The following GPR142 variants were observed in gnomAD, a reference collection of about 807,000 sequenced individuals.
GPR142 encodes G protein-coupled receptor 142.
A neutral mutation model predicts 10.6 loss-of-function variants in GPR142; 9 were observed. That is an observed-to-expected ratio of 0.85 (90% CI 0.51 to 1.48). GPR142 has a LOEUF of 1.48. GPR142 is among the 40% of genes most tolerant of loss of function. The pLI is 0.00. For missense variants in GPR142, 482 were observed against 506.0 expected, an observed-to-expected ratio of 0.95 and a Z score of 0.45; for synonymous variants, 202 against 221.2, an observed-to-expected ratio of 0.91 and a Z score of 0.77.
At chr17:74,369,859 C>A (rs1278965919) in intron 2 of GPR142, among the ~76,000 whole-genome samples, 1 of 152,180 alleles carries the variant, frequency 6.6e-6, no homozygotes. Flanking sequence ...GGTGCTTATC[C>A]TAGACCAGCC....
At position 74,369,597 on chromosome 17, in the gene GPR142, A is replaced by C. The variant is rs981453758; in HGVS notation, c.57A>C (p.Ser19=). The part of the protein sequence containing the change: ...PQKKPQVTQD[S]GPQSMGLEGR... ...AAAAGCCACAGGTGACCCAGGACTC[A>C]GGGCCCCAGAGCATGGGGCTTGAGG... Residue 19 remains serine (S), a synonymous_variant, in exon 2 of 4, where the codon TCA becomes TCC. Transcript: ENST00000582579. The C allele has an allele frequency of 1.9e-6, 3 of 1,551,184 alleles. No homozygotes were observed. The Admixed American group carries it at 5.9e-5, about 31-fold the overall frequency.
rs1322778933 is a variant in GPR142, at chr17:74,367,644, C to T, written c.-224C>T. 1 of 1,614,058 alleles carries T rather than the reference C, an allele frequency of 6.2e-7. No individual in the cohort carries two copies. Among genetic ancestry groups the T allele is most frequent in the South Asian group, 1.1e-5 (1 of 91,090 alleles). On this transcript the variant is annotated 5_prime_UTR_variant, in exon 1 of 4. Transcript: ENST00000582579. Reference sequence around the variant, plus strand: ...GGTGTCCCATGCACAGAAAAGCCAGCATTCTTGTCTCAGCCATTCCAGGTG... The same window carrying T: ...GGTGTCCCATGCACAGAAAAGCCAGTATTCTTGTCTCAGCCATTCCAGGTG...
At chr17:74,369,412 C>T in intron 1 of GPR142, 56 bp from the exon 2 acceptor site, 1 of 1,523,132 alleles carries the variant, frequency 6.6e-7, no homozygotes, top group Non-Finnish European at 8.9e-7. Context: ...TCCCCGGTGC[C>T]TCCGCCCACC....
Position 74,368,202 on chromosome 17 carries a change from C to T in GPR142, c.-74+408C>T, listed in dbSNP as rs73997705. 5.1e-3 allele frequency among the ~76,000 whole-genome samples: 774 copies of T among 151,918 alleles called. 4 individuals are homozygous for T. Among genetic ancestry groups the T allele is most frequent in the African/African-American group, 0.017 (724 of 41,408 alleles). ...AATGTTGGCAGGGACCCTCCTTGCC[C>T]CTCACCCATGGCAGCTCCTTGAAGA... On this transcript the variant is annotated intron_variant, in intron 1 of 3. Transcript: ENST00000582579.
rs200949295 is a variant in GPR142, at chr17:74,367,703, G to C, written c.-165G>C. 1 of 1,611,812 alleles carries C rather than the reference G, an allele frequency of 6.2e-7. No homozygotes were observed. Among genetic ancestry groups the C allele is most frequent in the East Asian group, 2.2e-5 (1 of 44,884 alleles). On this transcript the variant is annotated 5_prime_UTR_variant, in exon 1 of 4. Coordinates refer to ENST00000582579, the MANE Select transcript of GPR142 (RefSeq NM_001331076.1). ...CTCCACAGGTCACAGGGGGAAGCTGGGACCTCCGAATAAGGCCATCCAAGG... is the reference window on the plus strand; with the variant it reads ...CTCCACAGGTCACAGGGGGAAGCTGCGACCTCCGAATAAGGCCATCCAAGG...
chr17:74,369,454 C>A lies in GPR142; in HGVS notation c.-73-14C>A. On this transcript the variant is annotated splice_polypyrimidine_tract_variant and intron_variant, in intron 1 of 3. Coordinates refer to ENST00000582579, the MANE Select transcript of GPR142 (RefSeq NM_001331076.1). Reference sequence around the variant, plus strand: ...TTCCTCCTCCTTCCCCCGCCCCGCCCCCTGCACTAACAGGCTCAGTGTCTG... The same window carrying A: ...TTCCTCCTCCTTCCCCCGCCCCGCCACCTGCACTAACAGGCTCAGTGTCTG... 1 of 1,554,716 alleles carries A rather than the reference C, an allele frequency of 6.4e-7. No homozygotes were observed.
In GPR142 at chr17:74,371,998, C is replaced by T. The variant is rs1436687156; in HGVS notation, c.523C>T (p.Pro175Ser). 5.0e-6 allele frequency: 8 copies of T among 1,613,294 alleles called. No homozygotes were observed. Among genetic ancestry groups the T allele is most frequent in the Non-Finnish European group, 6.8e-6 (8 of 1,179,962 alleles). ...TVDRYTALCH[P>S]LHHRAASSPG... Reference sequence around the variant, plus strand: ...TGACCGCTACACTGCCCTGTGCCACCCCCTGCACCATCGGGCCGCCTCGTC... The same window carrying T: ...TGACCGCTACACTGCCCTGTGCCACTCCCTGCACCATCGGGCCGCCTCGTC... Residue 175 changes from proline (P) to serine (S), a missense_variant, in exon 4 of 4, where the codon CCC (proline) becomes TCC (serine). Coordinates refer to ENST00000582579, the MANE Select transcript of GPR142 (RefSeq NM_001331076.1).
In GPR142 at chr17:74,372,362, C is replaced by T. The variant is rs2055036246; in HGVS notation, c.887C>T (p.Ala296Val). Residue 296 changes from alanine (A) to valine (V), a missense_variant, in exon 4 of 4, where the codon GCC becomes GTC. Physicochemically the swap from Ala to Val is moderately conservative, Grantham distance 64. Coordinates refer to ENST00000582579, the MANE Select transcript of GPR142 (RefSeq NM_001331076.1). ...GTCATGCTCTACCACATGTACGTGGCCCCTGTCCACCGGGACTGGAGGGTC... is the reference window on the plus strand; with the variant it reads ...GTCATGCTCTACCACATGTACGTGGTCCCTGTCCACCGGGACTGGAGGGTC... The part of the protein sequence containing the change: ...VFVMLYHMYV[A>V]PVHRDWRVHL... 1 of 1,614,070 alleles carries T rather than the reference C, an allele frequency of 6.2e-7. No homozygotes were observed.
Position 74,370,652 on chromosome 17 carries a change from A to G in GPR142, c.226A>G (p.Ser76Gly), listed in dbSNP as rs2055017064. The change falls in exon 3 of 4, where the codon AGT (serine) becomes GGT (glycine). Residue 76 changes from serine to glycine, a missense_variant. Ser to Gly is a moderately conservative substitution (Grantham distance 56). Coordinates refer to ENST00000582579, the MANE Select transcript of GPR142 (RefSeq NM_001331076.1). The part of the protein sequence containing the change: ...VAGVIPVIYY[S>G]VLLGLGLPVS... ...TGGCGTCATCCCTGTCATCTACTAC[A>G]GTGTCCTGCTGGGCTTGGGGCTGCC... 1.3e-5 allele frequency: 21 copies of G among 1,613,770 alleles called. No individual in the cohort carries two copies. Among genetic ancestry groups the G allele is most frequent in the Non-Finnish European group, 1.8e-5 (21 of 1,179,838 alleles).
chr17:74,369,137 C>T (rs2055004049), intron 1 of GPR142, among the ~76,000 whole-genome samples: 1 of 152,254 alleles, frequency 6.6e-6, no homozygotes, highest in South Asian at 2.1e-4. Context: ...CCCCAAAGTC[C>T]TCAGCCCCAG....
chr17:74,368,481 G>T (rs540634617), intron 1 of GPR142, among the ~76,000 whole-genome samples: 8 of 152,278 alleles, frequency 5.3e-5, no homozygotes, highest in South Asian at 2.1e-4. Flanking sequence ...GTATCCGAGG[G>T]GGGGTTGGGA....
Position 74,370,503 on chromosome 17 carries a change from C to T in GPR142, c.95-18C>T. The stretch of plus-strand genomic sequence containing the variant: ...AAATAGACCAGAGGCTCTGACTCTG[C>T]CCATCCGCACCTTCTAGCTGGCCAG... On this transcript the variant is annotated intron_variant, in intron 2 of 3. Transcript: ENST00000582579. 6.3e-7 allele frequency: 1 copy of T among 1,596,332 alleles called. No individual in the cohort carries two copies.
chr17:74,371,693 G>A lies in GPR142; in HGVS notation c.254-36G>A, dbSNP rs1458406063. 3 of 1,566,870 alleles carry A rather than the reference G, an allele frequency of 1.9e-6. No individual in the cohort carries two copies. In the Admixed American group the frequency reaches 5.1e-5, roughly 27 times the overall value. ...GAAAGCAGAGTCTGAGCTCTCTTCT[G>A]ATGCCTCTCCCCTCCCTCACCTCGG... is the stretch of plus-strand genomic sequence containing the variant. On this transcript the variant is annotated intron_variant, in intron 3 of 3. Transcript: ENST00000582579.
At chr17:74,368,959 G>A (rs1003878676) in intron 1 of GPR142, among the ~76,000 whole-genome samples, 1 of 151,910 alleles carries the variant, frequency 6.6e-6, no homozygotes, top group African/African-American at 2.4e-5. Flanking sequence ...CTGCAGGACT[G>A]ACCCTGTGCA....
intron 2 of GPR142, 66 bp from the exon 3 acceptor site, chr17:74,370,455 G>A (rs952344544): frequency 1.8e-5 from 27 of 1,500,378 alleles, no homozygotes; most frequent in South Asian, 3.8e-5. Context: ...AGGTCAGGGC[G>A]GGGCTGCGCC....
intron 1 of GPR142, 135 bp from the exon 2 acceptor site, chr17:74,369,333 C>G: frequency 1.3e-6 from 1 of 746,934 alleles, no homozygotes; most frequent in Non-Finnish European, 2.2e-6. Flanking sequence ...CTGCCCAGCC[C>G]GACCCCTTCC....
At chr17:74,369,351 G>T in intron 1 of GPR142, 117 bp from the exon 2 acceptor site, 1 of 921,344 alleles carries the variant, frequency 1.1e-6, no homozygotes, top group South Asian at 1.7e-5. Context: ...TCCCCTGCCT[G>T]TGCGCCTTAG....
chr17:74,370,321 G>A (rs2055013637), intron 2 of GPR142, among the ~76,000 whole-genome samples, 200 bp from the exon 3 acceptor site: 2 of 152,150 alleles, frequency 1.3e-5, no homozygotes, highest in Admixed American at 1.3e-4. Flanking sequence ...GGCCACTGAG[G>A]GAGTGGGGTG....
intron 1 of GPR142, among the ~76,000 whole-genome samples, chr17:74,369,253 C>T (rs2055004965): frequency 6.6e-6 from 1 of 152,138 alleles, no homozygotes; most frequent in Non-Finnish European, 1.5e-5. Context: ...TCACTTCCTG[C>T]TCCCCCAGGC....
Sources: gnomAD v4.1 joint callset for allele counts (sites outside exome capture counted in the v4.1 genomes callset) on GRCh38, gnomAD v4.1.1 for gene constraint, MANE v1.5 for transcripts, NCBI Gene and HGNC (gene_info 2026-07-23, HGNC 2026-07-21) for gene names.